Variants in HNF1B observed in about 807,000 individuals in gnomAD.
HNF1B encodes hepatocyte nuclear factor 1-beta.
Under a neutral mutation model 61.7 loss-of-function variants are expected in HNF1B, and 8 were observed. The observed-to-expected ratio is 0.13, with a 90% CI of 0.08 to 0.23. The LOEUF (loss-of-function observed/expected upper bound fraction) is 0.23. Among genes scored for constraint, HNF1B ranks in the 10% least tolerant of loss-of-function variants. The probability of loss-of-function intolerance (pLI) is 1.00; values close to 1 mark genes in which losing one functional copy is unlikely to be tolerated. For missense variants in HNF1B, 562 were observed against 714.5 expected, an observed-to-expected ratio of 0.79 and a Z score of 2.43; for synonymous variants, 314 against 287.7, an observed-to-expected ratio of 1.09 and a Z score of -0.93.
Position 37,720,003 on chromosome 17 carries a change from A to G in HNF1B, c.1046-9340T>C, listed in dbSNP as rs898577871. Among the ~76,000 whole-genome samples the G allele has an allele frequency of 3.3e-5, 5 of 152,060 alleles. No homozygotes were observed. The East Asian group carries it at 9.6e-4, about 29-fold the overall frequency. Reference sequence around the variant, plus strand: ...TATCACCATCATCATCACCATCATCATGACAGATAGCTGCCGATCACCGGC... The same window carrying G: ...TATCACCATCATCATCACCATCATCGTGACAGATAGCTGCCGATCACCGGC... On this transcript the variant is annotated intron_variant, in intron 4 of 8. Transcript: ENST00000617811.
At chr17:37,714,158 C>T (rs898731255) in intron 4 of HNF1B, among the ~76,000 whole-genome samples, 5 of 152,124 alleles carry the variant, frequency 3.3e-5, no homozygotes, top group Non-Finnish European at 2.9e-5. Flanking sequence ...GGGAAGAGAA[C>T]GGAATGAGTT....
intron 1 of HNF1B, among the ~76,000 whole-genome samples, chr17:37,741,902 T>C (rs1214009402): frequency 6.6e-6 from 1 of 150,902 alleles, no homozygotes; most frequent in Non-Finnish European, 1.5e-5. Context: ...CTTAAAAGAG[T>C]GAGGAGTAAG....
intron 3 of HNF1B, 40 bp from the exon 4 acceptor site, chr17:37,731,870 C>T (rs150712273): frequency 1.1e-4 from 42 of 394,246 alleles, no homozygotes; most frequent in Non-Finnish European, 1.5e-4. Context: ...TGAGGGGGGG[C>T]GGGGGGACTT....
At chr17:37,719,140 T>C (rs2033222595) in intron 4 of HNF1B, among the ~76,000 whole-genome samples, 1 of 151,626 alleles carries the variant, frequency 6.6e-6, no homozygotes, top group African/African-American at 2.4e-5. Flanking sequence ...ATTGTTATTA[T>C]TATTTTGAAG....
chr17:37,742,138 C>T lies in HNF1B; in HGVS notation c.344+2403G>A, dbSNP rs140202989. On this transcript the variant is annotated intron_variant, in intron 1 of 8. Transcript: ENST00000617811. ...CGCGGCGCCCGCAGGGTCCGTCCCG[C>T]ACGCTCCTTCTCAAACAATGACTTT... Among the ~76,000 whole-genome samples, 1,287 of 152,366 alleles carry T rather than the reference C, an allele frequency of 8.4e-3. 19 individuals are homozygous for T. The highest frequency in any genetic ancestry group is 0.03 in the African/African-American group (1,231 of 41,592).
intron 4 of HNF1B, chr17:37,731,160 C>T (rs2033668633): frequency 1.5e-5 from 4 of 261,294 alleles, no homozygotes. Flanking sequence ...CCGGACCGAG[C>T]GAGGGGCAGG....
rs566374896 is a variant in HNF1B at position 37,733,428 on chromosome 17, T to A, written c.809+129A>T. 27 of 1,063,502 alleles carry A rather than the reference T, an allele frequency of 2.5e-5. No individual in the cohort carries two copies. In the South Asian group the frequency reaches 3.1e-4, roughly 12 times the overall value. 65.9% of individuals were successfully genotyped at this position (1,063,502 alleles called of 1,614,324 possible). Reference sequence around the variant, plus strand: ...ATTGATATTGGGGTTCTGTGGAACATACTTTGAGAAGCTCTGATTTAGCCA... The same window carrying A: ...ATTGATATTGGGGTTCTGTGGAACAAACTTTGAGAAGCTCTGATTTAGCCA... On this transcript the variant is annotated intron_variant, in intron 3 of 8. Coordinates refer to ENST00000617811, the MANE Select transcript of HNF1B (RefSeq NM_000458.4).
At chr17:37,696,744 T>C (rs2032399039) in intron 8 of HNF1B, among the ~76,000 whole-genome samples, 1 of 152,230 alleles carries the variant, frequency 6.6e-6, no homozygotes, top group South Asian at 2.1e-4. Context: ...TGTTGGAATA[T>C]AAGACCTTAA....
intron 4 of HNF1B, among the ~76,000 whole-genome samples, chr17:37,712,946 C>T (rs150967341): frequency 1.1e-4 from 17 of 152,302 alleles, no homozygotes; most frequent in Non-Finnish European, 2.1e-4. Context: ...ATTCTAAACA[C>T]TGAATGGAAT....
At chr17:37,736,117 C>T (rs762616248) in intron 2 of HNF1B, among the ~76,000 whole-genome samples, 36 of 152,206 alleles carry the variant, frequency 2.4e-4, no homozygotes, top group Non-Finnish European at 4.6e-4. Context: ...TTTGACTTCA[C>T]AGCAGCTCTC....
intron 4 of HNF1B, among the ~76,000 whole-genome samples, chr17:37,712,399 C>A (rs1264875239): frequency 6.6e-6 from 1 of 151,258 alleles, no homozygotes; most frequent in African/African-American, 2.5e-5. Flanking sequence ...CTGCAGCCCC[C>A]ACGTCTCCTG....
At chr17:37,698,154 A>T (rs902100654) in intron 8 of HNF1B, among the ~76,000 whole-genome samples, 2 of 152,090 alleles carry the variant, frequency 1.3e-5, no homozygotes, top group Admixed American at 6.6e-5. Context: ...ACCATCAACA[A>T]GACCAAATTC....
intron 8 of HNF1B, among the ~76,000 whole-genome samples, chr17:37,696,637 C>G (rs141852187): frequency 1.3e-5 from 2 of 152,326 alleles, no homozygotes; most frequent in South Asian, 4.1e-4. Context: ...GCCTTTGAAC[C>G]TCTTTTACCC....
intron 2 of HNF1B, among the ~76,000 whole-genome samples, chr17:37,735,177 T>C (rs530184008): frequency 1.3e-5 from 2 of 152,310 alleles, no homozygotes; most frequent in South Asian, 2.1e-4. Flanking sequence ...ATGTAAATGA[T>C]GTGCCATCAT....
intron 2 of HNF1B, among the ~76,000 whole-genome samples, chr17:37,736,431 C>T (rs80141083): frequency 0.95 from 144,006 of 152,304 alleles, 68,171 homozygotes; most frequent in East Asian, 1. Context: ...GTGAGAAGTA[C>T]AGCCACCTCC....
chr17:37,736,327 T>G (rs906072629), intron 2 of HNF1B, among the ~76,000 whole-genome samples: 9 of 152,238 alleles, frequency 5.9e-5, no homozygotes, highest in Admixed American at 6.5e-5. Flanking sequence ...ACAGACACAA[T>G]AACGGTTCAC....
At chr17:37,736,558 T>C (rs948345335) in intron 2 of HNF1B, among the ~76,000 whole-genome samples, 13 of 152,106 alleles carry the variant, frequency 8.5e-5, no homozygotes, top group African/African-American at 2.9e-4. Flanking sequence ...GGCTCCTAAC[T>C]ACCAGCCTGT....
chr17:37,744,493 G>C lies in HNF1B; in HGVS notation c.344+48C>G, dbSNP rs376931357. ...GCAGTGTCACTCAGGCCCGGGGCCG[G>C]GGCTCCAGGGGTTCGGGTGGGTCCC... On this transcript the variant is annotated intron_variant, in intron 1 of 8. Coordinates refer to ENST00000617811, the MANE Select transcript of HNF1B (RefSeq NM_000458.4). 2.0e-5 allele frequency: 32 copies of C among 1,579,968 alleles called. No homozygotes were observed. In the East Asian group the frequency reaches 5.6e-4, roughly 28 times the overall value.
chr17:37,702,456 G>A, intron 6 of HNF1B, among the ~76,000 whole-genome samples: 1 of 152,170 alleles, frequency 6.6e-6, no homozygotes. Context: ...GAACAGCACT[G>A]TCTCCAGTTC....
Sources: allele counts gnomAD v4.1 joint callset (sites outside exome capture counted in the v4.1 genomes callset), GRCh38; gene constraint gnomAD v4.1.1; transcripts MANE v1.5; gene names NCBI Gene and HGNC (gene_info 2026-07-23, HGNC 2026-07-21).